Variants in CAPRIN2 observed in about 807,000 individuals in gnomAD.
CAPRIN2 encodes caprin family member 2.
Under a neutral mutation model 130.4 loss-of-function variants are expected in CAPRIN2, and 66 were observed. The ratio of observed to expected loss-of-function variants is 0.51; its 90% confidence interval spans 0.42 to 0.62. The LOEUF (loss-of-function observed/expected upper bound fraction) is 0.62, where lower values mean the gene tolerates loss of function less well. Among genes scored for constraint, CAPRIN2 ranks in the 20% least tolerant of loss-of-function variants. The pLI, the probability that CAPRIN2 is intolerant of heterozygous loss-of-function variation, is 0.00. For missense variants in CAPRIN2, 1,185 were observed against 1,246.6 expected, an observed-to-expected ratio of 0.95 and a Z score of 0.74; for synonymous variants, 471 against 444.1, an observed-to-expected ratio of 1.06 and a Z score of -0.76.
chr12:30,721,063 T>C, intron 11 of CAPRIN2, 148 bp from the exon 13 acceptor site: 1 of 600,874 alleles, frequency 1.7e-6, no homozygotes, highest in Non-Finnish European at 3.0e-6. Context: ...GTTAATATAT[T>C]TAATCCTAAC....
intron 8 of CAPRIN2, among the ~76,000 whole-genome samples, chr12:30,726,504 C>A (rs934227520): frequency 4.6e-5 from 7 of 151,984 alleles, no homozygotes; most frequent in Non-Finnish European, 1.0e-4. Flanking sequence ...TTTCAGAAAT[C>A]AAAATGTAAA....
chr12:30,737,533 G>A (rs548073221), intron 3 of CAPRIN2, among the ~76,000 whole-genome samples: 1 of 151,490 alleles, frequency 6.6e-6, no homozygotes, highest in African/African-American at 2.4e-5. Flanking sequence ...TCTTTTTCCA[G>A]TTGAGGACCA....
intron 14 of CAPRIN2, 152 bp downstream of exon 16, chr12:30,714,807 G>T: frequency 1.8e-6 from 1 of 546,976 alleles, no homozygotes. Context: ...ATGGAGAATA[G>T]GTATATTAAA....
At chr12:30,739,734 T>C (rs1592219134) in intron 3 of CAPRIN2, among the ~76,000 whole-genome samples, 1 of 148,166 alleles carries the variant, frequency 6.7e-6, no homozygotes, top group African/African-American at 2.5e-5. Flanking sequence ...AAAAAAAGAA[T>C]AAGTTACTTT....
chr12:30,736,833 A>G (rs1337515333), intron 3 of CAPRIN2, among the ~76,000 whole-genome samples: 1 of 152,192 alleles, frequency 6.6e-6, no homozygotes, highest in African/African-American at 2.4e-5. Context: ...CTAGCTCTCC[A>G]AAACACTGGA....
exon 5 of CAPRIN2, chr12:30,733,666 A>G (rs2063488390): frequency 6.2e-7 from 1 of 1,613,568 alleles, no homozygotes; most frequent in Non-Finnish European, 8.5e-7. Flanking sequence ...TACCTTCCAA[A>G]AGGTCCCAAA....
At chr12:30,724,321 A>G in intron 10 of CAPRIN2, 49 bp downstream of exon 11, 1 of 1,055,980 alleles carries the variant, frequency 9.5e-7, no homozygotes, top group Non-Finnish European at 1.5e-6. Context: ...AACAACAAAT[A>G]GCTGTTAGCT....
intron 13 of CAPRIN2, chr12:30,716,081 C>T (rs974870422): frequency 6.3e-6 from 1 of 159,520 alleles, no homozygotes; most frequent in African/African-American, 2.4e-5. Flanking sequence ...CATCTCTAAG[C>T]AAACAGTACA....
At chr12:30,715,217 A>G in intron 13 of CAPRIN2, 76 bp from the exon 16 acceptor site, 1 of 1,152,072 alleles carries the variant, frequency 8.7e-7, no homozygotes, top group African/African-American at 1.6e-5. Flanking sequence ...AATATATATC[A>G]AAATCATTAA....
intron 3 of CAPRIN2, 60 bp from the exon 5 acceptor site, chr12:30,735,266 C>G: frequency 2.3e-6 from 3 of 1,288,656 alleles, no homozygotes; most frequent in Non-Finnish European, 3.4e-6. Context: ...ATTAGCAATA[C>G]GTATCTACAA....
chr12:30,735,150 A>G, exon 4 of CAPRIN2: 3 of 1,614,162 alleles, frequency 1.9e-6, no homozygotes, highest in Non-Finnish European at 2.5e-6. Context: ...TTTTCTTCTC[A>G]GCCTCAAGTT....
intron 4 of CAPRIN2, among the ~76,000 whole-genome samples, chr12:30,734,577 C>T (rs781505354): frequency 2.0e-4 from 31 of 152,116 alleles, no homozygotes; most frequent in Admixed American, 4.6e-4. Flanking sequence ...TTTACCTCTA[C>T]TTAAGTATAG....
chr12:30,737,819 G>T (rs2065606661), intron 3 of CAPRIN2, among the ~76,000 whole-genome samples: 1 of 151,854 alleles, frequency 6.6e-6, no homozygotes, highest in East Asian at 1.9e-4. Flanking sequence ...GGATGGTCTG[G>T]ATCTCCTGAC....
At chr12:30,745,784 G>A (rs770207561) in intron 2 of CAPRIN2, among the ~76,000 whole-genome samples, 8 of 152,014 alleles carry the variant, frequency 5.3e-5, no homozygotes, top group Non-Finnish European at 1.2e-4. Context: ...GGGTGGGGGG[G>A]TGGAATATGC....
intron 3 of CAPRIN2, among the ~76,000 whole-genome samples, chr12:30,736,558 C>G (rs1271495683): frequency 2.0e-5 from 3 of 152,090 alleles, no homozygotes; most frequent in Non-Finnish European, 4.4e-5. Flanking sequence ...ATAATTAATC[C>G]CTTCCTAGGG....
chr12:30,719,366 T>A, intron 12 of CAPRIN2, 141 bp from the exon 14 acceptor site: 1 of 929,324 alleles, frequency 1.1e-6, no homozygotes, highest in Non-Finnish European at 1.6e-6. Context: ...TAGCTTTTGC[T>A]TACAATTTCA....
At chr12:30,750,879 A>T (rs986980342) in intron 2 of CAPRIN2, among the ~76,000 whole-genome samples, 192 bp downstream of exon 3, 1 of 152,226 alleles carries the variant, frequency 6.6e-6, no homozygotes, top group East Asian at 1.9e-4. Flanking sequence ...ACCATCTTCT[A>T]GTCAACAGAA....
At chr12:30,715,046 A>C in exon 14 of CAPRIN2, 1 of 1,614,060 alleles carries the variant, frequency 6.2e-7, no homozygotes, top group Non-Finnish European at 8.5e-7. Flanking sequence ...CTATTGACAA[A>C]TGGCTGAGTA....
chr12:30,717,549 TA>T (rs1054891011), intron 12 of CAPRIN2, among the ~76,000 whole-genome samples: 3 of 151,970 alleles, frequency 2.0e-5, no homozygotes, highest in Admixed American at 6.6e-5. Flanking sequence ...TTGTATACTT[TA>T]AAAAGATTAA....
Sources: gnomAD v4.1 joint callset for allele counts (sites outside exome capture counted in the v4.1 genomes callset) on GRCh38, gnomAD v4.1.1 for gene constraint, MANE v1.5 for transcripts, NCBI Gene and HGNC (gene_info 2026-07-23, HGNC 2026-07-21) for gene names.